The following GRID2 variants were observed in gnomAD, a reference collection of about 807,000 sequenced individuals.
GRID2 encodes the protein glutamate ionotropic receptor delta type subunit 2.
In GRID2, 33 loss-of-function variants were observed where a neutral mutation model predicts 114.8. That is an observed-to-expected ratio of 0.29 (90% CI 0.22 to 0.38). GRID2 has a LOEUF of 0.38. Ranked by LOEUF, GRID2 falls within the 10% of genes least tolerant of loss-of-function variation. The probability of loss-of-function intolerance (pLI) is 1.00; values close to 1 mark genes in which losing one functional copy is unlikely to be tolerated. For synonymous variants in GRID2, 505 were observed against 449.9 expected, an observed-to-expected ratio of 1.12 and a Z score of -1.55; for missense variants, 1,184 against 1,257.7, an observed-to-expected ratio of 0.94 and a Z score of 0.89.
intron 2 of GRID2, among the ~76,000 whole-genome samples, chr4:92,900,833 CAAAAAAAAAAAA>C (rs34089162): frequency 4.1e-5 from 3 of 72,330 alleles, no homozygotes; most frequent in African/African-American, 1.6e-4. Context: ...GACTTCGTCT[CAAAAAAAAAAAA>C]AAAAAAAAAA....
downstream of GRID2, among the ~76,000 whole-genome samples, chr4:93,776,379 A>G (rs374531151): frequency 3.3e-5 from 5 of 152,368 alleles, no homozygotes; most frequent in African/African-American, 1.2e-4. Context: ...CTTATCTGAC[A>G]CTGAAAAGTC....
At chr4:92,977,878 C>T (rs1578658689) in intron 2 of GRID2, among the ~76,000 whole-genome samples, 1 of 152,048 alleles carries the variant, frequency 6.6e-6, no homozygotes, top group South Asian at 2.1e-4. Flanking sequence ...AGGAGAAAAA[C>T]AGAAATGGGA....
chr4:93,611,913 G>T (rs1334011468), intron 13 of GRID2, among the ~76,000 whole-genome samples: 4 of 150,416 alleles, frequency 2.7e-5, no homozygotes, highest in Admixed American at 1.3e-4. Flanking sequence ...TTGACAGTGG[G>T]GTGTTAAAGT....
At chr4:92,944,134 CAG>C (rs1751409183) in intron 2 of GRID2, among the ~76,000 whole-genome samples, 1 of 152,190 alleles carries the variant, frequency 6.6e-6, no homozygotes, top group Admixed American at 6.5e-5. Context: ...TTTAAGTCTG[CAG>C]AGTTTTCTGC....
intron 1 of GRID2, among the ~76,000 whole-genome samples, chr4:92,444,421 T>TG (rs1466355211): frequency 6.6e-6 from 1 of 151,406 alleles, no homozygotes; most frequent in East Asian, 1.9e-4. Context: ...AGGTGCTCAG[T>TG]GGGGGTGCTT....
At chr4:93,792,642 G>A (rs1734716941) in intron 1 of GRID2, among the ~76,000 whole-genome samples, 1 of 152,124 alleles carries the variant, frequency 6.6e-6, no homozygotes, top group African/African-American at 2.4e-5. Context: ...TAAAGTGAAT[G>A]TCAGGATAAC....
intron 1 of GRID2, among the ~76,000 whole-genome samples, chr4:92,518,155 C>A (rs539888254): frequency 6.6e-6 from 1 of 151,628 alleles, no homozygotes; most frequent in Non-Finnish European, 1.5e-5. Flanking sequence ...CTCTTCATCC[C>A]CCTTTTTTTT....
intron 2 of GRID2, among the ~76,000 whole-genome samples, chr4:92,600,042 GTGTATATATATATATATATATATATA>G (rs1157249310): frequency 2.8e-5 from 2 of 70,382 alleles, no homozygotes; most frequent in African/African-American, 1.2e-4. Context: ...GTGTGTGTGT[GTGTATATATATATATATATATATATA>G]TATATATATA....
chr4:92,375,985 A>G (rs1579260929), intron 1 of GRID2, among the ~76,000 whole-genome samples: 1 of 152,264 alleles, frequency 6.6e-6, no homozygotes, highest in South Asian at 2.1e-4. Context: ...TGAATAAGCG[A>G]TTCAGGGCAC....
intron 1 of GRID2, among the ~76,000 whole-genome samples, chr4:92,399,278 G>A (rs953445462): frequency 6.6e-6 from 1 of 152,096 alleles, no homozygotes; most frequent in African/African-American, 2.4e-5. Context: ...TTGTGTTTGT[G>A]CTCCATTGAC....
chr4:92,526,420 T>G (rs1009431912), intron 1 of GRID2, among the ~76,000 whole-genome samples: 2 of 152,136 alleles, frequency 1.3e-5, no homozygotes, highest in Admixed American at 1.3e-4. Flanking sequence ...CTCGGCTCAC[T>G]GCAACCTCCA....
intron 2 of GRID2, among the ~76,000 whole-genome samples, chr4:92,748,537 C>T (rs1737268675): frequency 1.3e-5 from 2 of 151,936 alleles, no homozygotes; most frequent in South Asian, 2.1e-4. Context: ...GTATATTGTC[C>T]AAGAGTAGAG....
At position 93,200,593 on chromosome 4, in the gene GRID2, A is replaced by AC. The variant is rs61479861; in HGVS notation, c.736-6811_736-6810insC. Among the ~76,000 whole-genome samples the AC allele has an allele frequency of 1.2e-3, 185 of 151,018 alleles. No individual in the cohort carries two copies. The Middle Eastern group carries it at 0.017, about 14-fold the overall frequency. ...AACAAACAAACAAACAAACAAACAA[A>AC]AAAACATTACATATACATTTGTGTC... On this transcript the variant is annotated intron_variant, in intron 4 of 15. Transcript: ENST00000282020.
chr4:93,526,895 C>T (rs1210144065), intron 13 of GRID2, among the ~76,000 whole-genome samples: 1 of 152,144 alleles, frequency 6.6e-6, no homozygotes, highest in Non-Finnish European at 1.5e-5. Context: ...CATATGAATA[C>T]AATTTTTGTT....
At chr4:93,677,761 C>A (rs1013307774) in intron 14 of GRID2, among the ~76,000 whole-genome samples, 1 of 152,190 alleles carries the variant, frequency 6.6e-6, no homozygotes, top group East Asian at 1.9e-4. Flanking sequence ...AAAGGACATC[C>A]ACACCAAAAA....
intron 2 of GRID2, among the ~76,000 whole-genome samples, chr4:92,707,261 C>T (rs567403008): frequency 1.3e-5 from 2 of 152,200 alleles, no homozygotes; most frequent in East Asian, 1.9e-4. Flanking sequence ...TAGAGCCAAG[C>T]ACAAATGCTG....
At chr4:92,806,899 G>T (rs1308308814) in intron 2 of GRID2, among the ~76,000 whole-genome samples, 1 of 151,682 alleles carries the variant, frequency 6.6e-6, no homozygotes, top group Non-Finnish European at 1.5e-5. Flanking sequence ...TCATTTCAGA[G>T]ACCAAAAAAA....
chr4:92,929,172 T>C (rs956335921), intron 2 of GRID2, among the ~76,000 whole-genome samples: 3 of 151,448 alleles, frequency 2.0e-5, no homozygotes, highest in African/African-American at 7.3e-5. Context: ...CAGCATCAGC[T>C]TTAAAAGAAC....
intron 14 of GRID2, among the ~76,000 whole-genome samples, chr4:93,628,520 A>G (rs374139663): frequency 1.5e-4 from 23 of 152,262 alleles, no homozygotes; most frequent in African/African-American, 4.1e-4. Flanking sequence ...CGGAGAAGGA[A>G]CAAATAGAAG....
Sources: allele counts gnomAD v4.1 joint callset (sites outside exome capture counted in the v4.1 genomes callset), GRCh38; gene constraint gnomAD v4.1.1; transcripts MANE v1.5; gene names NCBI Gene and HGNC (gene_info 2026-07-23, HGNC 2026-07-21).